TAF4B: variants seen among roughly 807,000 people sequenced by gnomAD.
TAF4B encodes transcription initiation factor TFIID subunit 4B.
Under a neutral mutation model 86.4 loss-of-function variants are expected in TAF4B, and 38 were observed. That is an observed-to-expected ratio of 0.44 (90% confidence interval 0.34 to 0.58). The LOEUF is 0.58. Ranked by LOEUF, TAF4B falls within the 20% of genes least tolerant of loss-of-function variation. TAF4B has a pLI of 0.02. For synonymous variants in TAF4B, 388 were observed against 391.2 expected, an observed-to-expected ratio of 0.99 and a Z score of 0.10; for missense variants, 988 against 1,027.6, an observed-to-expected ratio of 0.96 and a Z score of 0.53.
At chr18:26,378,365 A>T (rs534720859) in intron 14 of TAF4B, among the ~76,000 whole-genome samples, 1 of 152,296 alleles carries the variant, frequency 6.6e-6, no homozygotes, top group African/African-American at 2.4e-5. Context: ...AACTTTTAAA[A>T]TTTACAAACA....
intron 1 of TAF4B, among the ~76,000 whole-genome samples, chr18:26,228,118 A>G (rs890533546): frequency 6.6e-6 from 1 of 152,100 alleles, no homozygotes; most frequent in Non-Finnish European, 1.5e-5. Flanking sequence ...GCTGTATTTC[A>G]TGGTTTGTAT....
chr18:26,295,156 T>G (rs922930893), intron 9 of TAF4B: 3 of 310,350 alleles, frequency 9.7e-6, no homozygotes, highest in Non-Finnish European at 1.9e-5. Context: ...AATTTGTACC[T>G]TAGTCTTCCT....
At chr18:26,290,408 G>T (rs996776149) in intron 7 of TAF4B, among the ~76,000 whole-genome samples, 1 of 152,128 alleles carries the variant, frequency 6.6e-6, no homozygotes, top group Admixed American at 6.5e-5. Flanking sequence ...AAAGGAGGAC[G>T]GGTTTTAAAA....
chr18:26,321,335 CATTCTT>C (rs1384351540), intron 11 of TAF4B, 135 bp downstream of exon 11: 9 of 881,604 alleles, frequency 1.0e-5, no homozygotes, highest in Middle Eastern at 2.8e-4. Context: ...ATCAAAGTCT[CATTCTT>C]ATTTAGATAA....
At chr18:26,284,641 G>A (rs145906527) in intron 6 of TAF4B, among the ~76,000 whole-genome samples, 641 of 152,326 alleles carry the variant, frequency 4.2e-3, no homozygotes, top group Non-Finnish European at 6.0e-3. Context: ...ACTTTGGGAG[G>A]CCGAGGTTGG....
rs568347037 is a variant in TAF4B at position 26,239,187 on chromosome 18, C to T, written c.343+11911C>T. On this transcript the variant is annotated intron_variant, in intron 1 of 14. Coordinates refer to ENST00000269142, the MANE Select transcript of TAF4B (RefSeq NM_005640.3). ...CACACTGTCTTCCACAATGGTTGAA[C>T]TAGTTTGCATTCCCACCAACAGTGT... 1.3e-4 allele frequency among the ~76,000 whole-genome samples: 20 copies of T among 152,182 alleles called. No homozygotes were observed. In the East Asian group the frequency reaches 2.8e-3, roughly 21 times the overall value.
intron 13 of TAF4B, among the ~76,000 whole-genome samples, chr18:26,335,722 T>G (rs1457357035): frequency 1.3e-5 from 2 of 152,208 alleles, no homozygotes; most frequent in Non-Finnish European, 2.9e-5. Flanking sequence ...TTTCACACAG[T>G]TCATGTTTAG....
chr18:26,308,088 CA>C (rs869048352), intron 9 of TAF4B, among the ~76,000 whole-genome samples: 1 of 151,852 alleles, frequency 6.6e-6, no homozygotes, highest in Non-Finnish European at 1.5e-5. Context: ...AAGCCAAAAA[CA>C]AAAAACCCCC....
intron 14 of TAF4B, among the ~76,000 whole-genome samples, chr18:26,361,186 A>G (rs549703194): frequency 1.5e-4 from 23 of 152,144 alleles, no homozygotes; most frequent in African/African-American, 5.5e-4. Flanking sequence ...CTAAAATTCT[A>G]TACCCGGTAA....
chr18:26,227,000 G>C lies in TAF4B; in HGVS notation c.67G>C (p.Val23Leu), dbSNP rs962527222. ...PPAAVSASGT[V>L]TMAPAGALPV... ...GGCTGCTGTGAGCGCCTCGGGGACC[G>C]TGACCATGGCCCCGGCCGGGGCGCT... Residue 23 changes from valine to leucine, a missense_variant, in exon 1 of 15, where the codon GTG (valine) becomes CTG (leucine). Physicochemically the swap from Val to Leu is conservative, Grantham distance 32. Around this residue, in one of 3 missense-constraint regions of TAF4B, gnomAD observed 747 missense variants for 737.9 expected, o/e 1.01. Coordinates refer to ENST00000269142, the MANE Select transcript of TAF4B (RefSeq NM_005640.3). 4.9e-6 allele frequency: 7 copies of C among 1,440,424 alleles called. No individual in the cohort carries two copies. Among genetic ancestry groups the C allele is most frequent in the Non-Finnish European group, 5.4e-6 (6 of 1,110,848 alleles). The allele number at this position is 1,440,424 out of a possible 1,614,324, so 89.2% of individuals were successfully genotyped here. A position where few individuals can be genotyped will look rare whatever the true frequency, so the allele number is the denominator to read the frequency against.
At chr18:26,274,508 A>T (rs998665874) in intron 3 of TAF4B, among the ~76,000 whole-genome samples, 155 bp from the exon 4 acceptor site, 4 of 152,216 alleles carry the variant, frequency 2.6e-5, no homozygotes, top group Non-Finnish European at 4.4e-5. Flanking sequence ...GCTAGACTCA[A>T]GAGTTCCTAG....
At chr18:26,241,385 G>A (rs935170129) in intron 1 of TAF4B, among the ~76,000 whole-genome samples, 5 of 152,264 alleles carry the variant, frequency 3.3e-5, no homozygotes, top group Admixed American at 1.3e-4. Context: ...GGAGTTTATA[G>A]TATTCTCTGA....
intron 9 of TAF4B, among the ~76,000 whole-genome samples, chr18:26,296,394 CTT>C (rs2056662164): frequency 6.6e-6 from 1 of 150,834 alleles, no homozygotes; most frequent in Non-Finnish European, 1.5e-5. Context: ...TGTATTTAGT[CTT>C]ATGCCCACCA....
intron 10 of TAF4B, among the ~76,000 whole-genome samples, chr18:26,320,425 G>T (rs1366771331): frequency 6.6e-6 from 1 of 152,196 alleles, no homozygotes; most frequent in Non-Finnish European, 1.5e-5. Flanking sequence ...GTTAGCAGAA[G>T]GAAGAAGTTT....
At chr18:26,339,369 A>T (rs1022823627) in intron 13 of TAF4B, among the ~76,000 whole-genome samples, 11 of 152,150 alleles carry the variant, frequency 7.2e-5, no homozygotes, top group African/African-American at 2.4e-4. Flanking sequence ...TCTGTCACCC[A>T]GGCTGGAGCG....
intron 1 of TAF4B, among the ~76,000 whole-genome samples, chr18:26,240,664 G>A (rs1437800531): frequency 1.3e-5 from 2 of 152,196 alleles, no homozygotes; most frequent in African/African-American, 4.8e-5. Flanking sequence ...TCTTGTGCCA[G>A]TTTTCAAAGG....
rs553681838 is a variant in TAF4B, at chr18:26,285,953, T to G, written c.1044T>G (p.Thr348=). Residue 348 remains threonine (T), a synonymous_variant, in exon 7 of 15, where the codon ACT becomes ACG. Coordinates refer to ENST00000269142, the MANE Select transcript of TAF4B (RefSeq NM_005640.3). ...TCATCCAGCAATGTGTTCAGCAGACTTCTAGTGACATGGTCATTGCTACCT... is the reference window on the plus strand; with the variant it reads ...TCATCCAGCAATGTGTTCAGCAGACGTCTAGTGACATGGTCATTGCTACCT... ...QSFIQQCVQQ[T]SSDMVIATCT... 23 of 1,614,208 alleles carry G rather than the reference T, an allele frequency of 1.4e-5. No individual in the cohort carries two copies. The South Asian group carries it at 2.5e-4, about 18-fold the overall frequency.
chr18:26,286,486 A>C lies in TAF4B; in HGVS notation c.1577A>C (p.Gln526Pro). Residue 526 changes from glutamine to proline, a missense_variant, in exon 7 of 15, where the codon CAA becomes CCA. Transcript: ENST00000269142. ...SQPAGIPQAV[Q>P]VKQLVVQQPS... ...CCAGCTGGGATTCCACAGGCAGTTC[A>C]AGTCAAGCAACTAGTGAGTAACATT... The C allele has an allele frequency of 2.5e-6, 4 of 1,604,158 alleles. No individual in the cohort carries two copies. Among genetic ancestry groups the C allele is most frequent in the Non-Finnish European group, 3.4e-6 (4 of 1,177,068 alleles).
chr18:26,282,248 AAG>A (rs1352031023), intron 6 of TAF4B, among the ~76,000 whole-genome samples, 188 bp downstream of exon 6: 1 of 152,208 alleles, frequency 6.6e-6, no homozygotes, highest in Non-Finnish European at 1.5e-5. Flanking sequence ...ACTTTGAAAA[AAG>A]AGAAGTAACA....
Sources: allele counts gnomAD v4.1 joint callset (sites outside exome capture counted in the v4.1 genomes callset), GRCh38; gene constraint gnomAD v4.1.1; regional missense constraint gnomAD v4.1.1; transcripts MANE v1.5; gene names NCBI Gene and HGNC (gene_info 2026-07-23, HGNC 2026-07-21).